MYO6: variants seen among roughly 807,000 people sequenced by gnomAD.
The protein encoded by MYO6 is myosin VI, also known as unconventional myosin-VI.
MYO6 carries 74 observed loss-of-function variants against 178.7 expected under a neutral mutation model. The observed-to-expected ratio is 0.41, with a 90% CI of 0.34 to 0.50. MYO6 has a LOEUF of 0.50. MYO6 is among the 20% of genes least tolerant of loss of function. The pLI, the probability that MYO6 is intolerant of heterozygous loss-of-function variation, is 0.09. For synonymous variants in MYO6, 477 were observed against 504.6 expected (o/e 0.95, Z 0.73); for missense variants, 1,330 against 1,547.4 (o/e 0.86, Z 2.36).
intron 15 of MYO6, among the ~76,000 whole-genome samples, chr6:75,862,223 A>C (rs1270381980): frequency 6.6e-6 from 1 of 152,248 alleles, no homozygotes; most frequent in East Asian, 1.9e-4. Flanking sequence ...GTATTATTAA[A>C]AAGCTATGCA....
In MYO6 at chr6:75,785,841, C is replaced by A. The variant is rs547364356; in HGVS notation, c.-47-31660C>A. ...CCGTGGCATTTATTGAAAAGTTCAT[C>A]TTTCCCCATTATCTGCATTGCTTAC... On this transcript the variant is annotated intron_variant, in intron 1 of 34. Coordinates refer to ENST00000369977, the MANE Select transcript of MYO6 (RefSeq NM_004999.4). Among the ~76,000 whole-genome samples the A allele has an allele frequency of 2.0e-4, 30 of 152,138 alleles. 1 individual carries two copies. The South Asian group carries it at 5.6e-3, about 28-fold the overall frequency.
At position 75,817,639 on chromosome 6, in the gene MYO6, T is replaced by TTGAA; in HGVS notation, c.93_96dup (p.Pro33Ter). On this transcript the variant is annotated frameshift_variant, in exon 2 of 35. Transcript: ENST00000369977. LOFTEE classifies it high-confidence loss of function. ...GATATTGGCCCCGACAGCTTAACAA[T>TTGAA]TGAACCCTTGAATCAGAAAGGCAAG... 1 of 1,614,098 alleles carries TTGAA rather than the reference T, an allele frequency of 6.2e-7. No homozygotes were observed. The highest frequency in any genetic ancestry group is 8.5e-7 in the Non-Finnish European group (1 of 1,179,964).
intron 11 of MYO6, 65 bp from the exon 12 acceptor site, chr6:75,855,074 A>T (rs1482175305): frequency 7.3e-7 from 1 of 1,369,986 alleles, no homozygotes; most frequent in African/African-American, 1.4e-5. Context: ...AATTCTAAGA[A>T]ATGGGTCTTG....
chr6:75,804,556 A>G (rs534903598), intron 1 of MYO6, among the ~76,000 whole-genome samples: 22 of 151,188 alleles, frequency 1.5e-4, no homozygotes, highest in Non-Finnish European at 2.5e-4. Context: ...GATTTTGCCA[A>G]TTCTGTTTAC....
At chr6:75,769,829 G>C (rs1778765505) in intron 1 of MYO6, among the ~76,000 whole-genome samples, 1 of 152,216 alleles carries the variant, frequency 6.6e-6, no homozygotes, top group African/African-American at 2.4e-5. Context: ...GAACCTGGGA[G>C]GCAGAGGTTT....
chr6:75,882,722 A>G (rs1311314753), intron 23 of MYO6, among the ~76,000 whole-genome samples: 2 of 152,246 alleles, frequency 1.3e-5, no homozygotes, highest in Non-Finnish European at 2.9e-5. Flanking sequence ...AGGCAATAAC[A>G]TATATATAGG....
At chr6:75,856,599 C>T (rs1380770353) in intron 12 of MYO6, among the ~76,000 whole-genome samples, 1 of 149,570 alleles carries the variant, frequency 6.7e-6, no homozygotes, top group Non-Finnish European at 1.5e-5. Flanking sequence ...CTATCATTTT[C>T]TTGAGGACAA....
At chr6:75,777,290 T>C (rs1015260805) in intron 1 of MYO6, among the ~76,000 whole-genome samples, 2 of 152,232 alleles carry the variant, frequency 1.3e-5, no homozygotes, top group African/African-American at 4.8e-5. Context: ...TGGATCACTT[T>C]ATCAAGTGAT....
chr6:75,830,195 G>A (rs952775749), intron 4 of MYO6, among the ~76,000 whole-genome samples: 3 of 152,142 alleles, frequency 2.0e-5, no homozygotes, highest in Admixed American at 2.0e-4. Context: ...CGAACTAAAG[G>A]TGCCTATGGG....
At chr6:75,859,070 A>G (rs1210434908) in intron 14 of MYO6, 77 bp downstream of exon 14, 2 of 980,966 alleles carry the variant, frequency 2.0e-6, no homozygotes, top group Admixed American at 2.0e-5. Flanking sequence ...TGCTGCAGTT[A>G]CCCTGATTGG....
intron 1 of MYO6, among the ~76,000 whole-genome samples, chr6:75,778,837 C>G (rs539369222): frequency 1.3e-5 from 2 of 151,580 alleles, no homozygotes; most frequent in East Asian, 3.9e-4. Flanking sequence ...CAGGAGGATC[C>G]TTTGAGCCCA....
chr6:75,878,368 T>C (rs1777740802), intron 20 of MYO6, among the ~76,000 whole-genome samples: 1 of 152,202 alleles, frequency 6.6e-6, no homozygotes, highest in Non-Finnish European at 1.5e-5. Flanking sequence ...ATTGTCCACA[T>C]GCATATCTTT....
chr6:75,750,514 C>T (rs1323977639), intron 1 of MYO6, among the ~76,000 whole-genome samples: 1 of 147,370 alleles, frequency 6.8e-6, no homozygotes, highest in Non-Finnish European at 1.5e-5. Context: ...CTTAACTGTA[C>T]GGGCTAAATA....
intron 30 of MYO6, among the ~76,000 whole-genome samples, chr6:75,898,665 A>G (rs1779497430): frequency 1.3e-5 from 2 of 152,096 alleles, no homozygotes; most frequent in Non-Finnish European, 2.9e-5. Flanking sequence ...TGGCAGTGGA[A>G]CTCTACTGCT....
At chr6:75,879,548 C>T (rs1314865947) in intron 20 of MYO6, among the ~76,000 whole-genome samples, 3 of 152,066 alleles carry the variant, frequency 2.0e-5, no homozygotes, top group African/African-American at 7.2e-5. Context: ...TGAGCCACTG[C>T]ACCCAGTTAG....
intron 1 of MYO6, among the ~76,000 whole-genome samples, chr6:75,787,022 C>T (rs577403996): frequency 3.9e-5 from 6 of 152,194 alleles, no homozygotes; most frequent in East Asian, 3.8e-4. Context: ...TTTAGTCTCA[C>T]GTCATCTGGA....
chr6:75,903,856 C>T lies in MYO6; in HGVS notation c.3177-3749C>T, dbSNP rs866107148. ...TTTACATTTTGGCATGATTTTGCAG[C>T]GGCTGGTACCGGTTGTTCCTTTCCA... On this transcript the variant is annotated intron_variant, in intron 30 of 34. Transcript: ENST00000369977. Among the ~76,000 whole-genome samples the T allele has an allele frequency of 1.5e-3, 221 of 151,582 alleles. 7 individuals carry two copies. The South Asian group carries it at 0.042, about 29-fold the overall frequency.
At chr6:75,871,784 T>C (rs1777172459) in intron 19 of MYO6, among the ~76,000 whole-genome samples, 2 of 152,084 alleles carry the variant, frequency 1.3e-5, no homozygotes, top group African/African-American at 4.8e-5. Context: ...AATTATGAGA[T>C]TACTTTGTGA....
At chr6:75,773,696 A>G (rs1766108192) in intron 1 of MYO6, among the ~76,000 whole-genome samples, 1 of 152,162 alleles carries the variant, frequency 6.6e-6, no homozygotes, top group African/African-American at 2.4e-5. Flanking sequence ...GCTTCAGTGG[A>G]GAAGTTCTGT....
Sources: gnomAD v4.1 joint callset for allele counts (sites outside exome capture counted in the v4.1 genomes callset) on GRCh38, gnomAD v4.1.1 for gene constraint, MANE v1.5 for transcripts, NCBI Gene and HGNC (gene_info 2026-07-23, HGNC 2026-07-21) for gene names.